Variants in CNTNAP2 observed in about 807,000 individuals in gnomAD.
The protein encoded by CNTNAP2 is contactin-associated protein-like 2.
A neutral mutation model predicts 155.2 loss-of-function variants in CNTNAP2; 98 were observed. The observed-to-expected ratio is 0.63, with a 90% CI of 0.54 to 0.75. CNTNAP2 has a LOEUF of 0.75. Among genes scored for constraint, CNTNAP2 ranks in the 30% least tolerant of loss-of-function variants. The pLI is 0.00. For missense variants in CNTNAP2, 1,727 were observed against 1,688.1 expected, an observed-to-expected ratio of 1.02 and a Z score of -0.40; for synonymous variants, 651 against 631.2, an observed-to-expected ratio of 1.03 and a Z score of -0.47.
At chr7:148,344,943 C>T (rs534309542) in intron 21 of CNTNAP2, among the ~76,000 whole-genome samples, 1 of 152,266 alleles carries the variant, frequency 6.6e-6, no homozygotes, top group Admixed American at 6.5e-5. Flanking sequence ...GTCCATGCCG[C>T]GATTTAGCCA....
At chr7:147,492,070 A>C (rs548386007) in intron 11 of CNTNAP2, among the ~76,000 whole-genome samples, 1 of 152,184 alleles carries the variant, frequency 6.6e-6, no homozygotes, top group African/African-American at 2.4e-5. Flanking sequence ...GCACTCTCCA[A>C]CGTTTTTGGC....
intron 11 of CNTNAP2, among the ~76,000 whole-genome samples, chr7:147,516,978 C>A (rs1158377651): frequency 6.6e-6 from 1 of 151,470 alleles, no homozygotes; most frequent in Admixed American, 6.6e-5. Flanking sequence ...TCCCCTGCCT[C>A]AGCCTCCTGA....
At chr7:148,225,546 C>T (rs553531518) in intron 19 of CNTNAP2, among the ~76,000 whole-genome samples, 8 of 152,180 alleles carry the variant, frequency 5.3e-5, no homozygotes, top group Non-Finnish European at 8.8e-5. Context: ...TGAGCCATTG[C>T]AAGAAGTTTG....
At position 147,762,468 on chromosome 7, in the gene CNTNAP2, G is replaced by T. The variant is rs184302940; in HGVS notation, c.2098+123162G>T. 4.6e-5 allele frequency among the ~76,000 whole-genome samples: 7 copies of T among 152,048 alleles called. No individual in the cohort carries two copies. In the South Asian group the frequency reaches 1.0e-3, roughly 23 times the overall value. On this transcript the variant is annotated intron_variant, in intron 13 of 23. Transcript: ENST00000361727. ...AAGCCTACTGAATCTGAGCTGCTGC[G>T]GAGGCAATTAGATGCACTCATATCT...
At chr7:148,119,766 G>C (rs1201117337) in intron 16 of CNTNAP2, among the ~76,000 whole-genome samples, 2 of 152,018 alleles carry the variant, frequency 1.3e-5, no homozygotes, top group Non-Finnish European at 2.9e-5. Context: ...GGATTGTGAT[G>C]AGAATAGAAT....
rs10544219 is a variant in CNTNAP2, at chr7:147,486,889, C to CTGTGTGTG, written c.1777+868_1777+875dup. Among the ~76,000 whole-genome samples the CTGTGTGTG allele has an allele frequency of 2.4e-3, 346 of 146,904 alleles. 2 individuals carry two copies. Among genetic ancestry groups the CTGTGTGTG allele is most frequent in the African/African-American group, 5.2e-3 (206 of 39,544 alleles). On this transcript the variant is annotated intron_variant, in intron 11 of 23. Transcript: ENST00000361727. ...GGTTAGTGTGTGCATACGTATGTGC[C>CTGTGTGTG]TGTGTGTGTGTGTGTGTGTGTGTGT...
rs1049535900 is a variant in CNTNAP2, at chr7:146,750,038, T to C, written c.98-24233T>C. Among the ~76,000 whole-genome samples, 4 of 152,268 alleles carry C rather than the reference T, an allele frequency of 2.6e-5. No homozygotes were observed. In the East Asian group the frequency reaches 7.7e-4, roughly 29 times the overall value. On this transcript the variant is annotated intron_variant, in intron 1 of 23. Transcript: ENST00000361727. ...CTCCCAGATCTGTGAGGTCCTGGAA[T>C]GTACAAGTGGTTATCCTCATAAATT...
At chr7:147,739,299 T>A (rs1796916068) in intron 13 of CNTNAP2, among the ~76,000 whole-genome samples, 1 of 152,232 alleles carries the variant, frequency 6.6e-6, no homozygotes, top group South Asian at 2.1e-4. Flanking sequence ...TGTTTGTGTG[T>A]GTTCACTGTT....
chr7:146,578,287 A>G (rs769072276), intron 1 of CNTNAP2, among the ~76,000 whole-genome samples: 30 of 152,110 alleles, frequency 2.0e-4, no homozygotes, highest in South Asian at 1.0e-3. Flanking sequence ...TACTTCTCCA[A>G]GTGTTAATTA....
At chr7:146,678,029 T>C (rs561151588) in intron 1 of CNTNAP2, among the ~76,000 whole-genome samples, 37 of 152,130 alleles carry the variant, frequency 2.4e-4, no homozygotes, top group Non-Finnish European at 4.7e-4. Flanking sequence ...GAAATGCTTA[T>C]AAATATAATT....
intron 9 of CNTNAP2, among the ~76,000 whole-genome samples, chr7:147,367,483 A>T (rs866520067): frequency 0.019 from 2,963 of 152,314 alleles, 94 homozygotes; most frequent in African/African-American, 0.068. Context: ...GAGAACTTTT[A>T]AAATTGCTAT....
chr7:147,601,383 C>A (rs956077080), intron 12 of CNTNAP2, among the ~76,000 whole-genome samples: 1 of 146,152 alleles, frequency 6.8e-6, no homozygotes, highest in African/African-American at 2.6e-5. Context: ...TGTTCTCTGG[C>A]GGGCAGGGGT....
At chr7:146,553,299 T>C (rs909330456) in intron 1 of CNTNAP2, among the ~76,000 whole-genome samples, 2 of 152,076 alleles carry the variant, frequency 1.3e-5, no homozygotes, top group African/African-American at 4.8e-5. Flanking sequence ...GAAAACTCCA[T>C]TCTTTTATTT....
intron 3 of CNTNAP2, among the ~76,000 whole-genome samples, chr7:146,887,215 T>C (rs951807212): frequency 6.6e-6 from 1 of 152,086 alleles, no homozygotes; most frequent in South Asian, 2.1e-4. Flanking sequence ...AATGGCGCGA[T>C]CTTGGCTCAC....
chr7:146,796,663 G>T (rs1052006580), intron 2 of CNTNAP2, among the ~76,000 whole-genome samples: 1 of 151,954 alleles, frequency 6.6e-6, no homozygotes, highest in Non-Finnish European at 1.5e-5. Context: ...AACATAGCTT[G>T]GCCACTTAAA....
intron 13 of CNTNAP2, among the ~76,000 whole-genome samples, chr7:147,691,978 A>G (rs1212313355): frequency 6.6e-6 from 1 of 152,142 alleles, no homozygotes; most frequent in Non-Finnish European, 1.5e-5. Context: ...ATCACACAGA[A>G]TGTTCCACTG....
chr7:147,181,843 C>T (rs1802461639), intron 8 of CNTNAP2, among the ~76,000 whole-genome samples: 1 of 152,022 alleles, frequency 6.6e-6, no homozygotes, highest in Admixed American at 6.5e-5. Flanking sequence ...AGAGTAACTT[C>T]AGGCTGGCCG....
intron 3 of CNTNAP2, among the ~76,000 whole-genome samples, chr7:147,042,208 C>A (rs906661662): frequency 2.6e-5 from 4 of 152,176 alleles, no homozygotes; most frequent in Non-Finnish European, 4.4e-5. Flanking sequence ...TGGTAGTACG[C>A]AGCTCATTTG....
At chr7:147,776,378 A>G (rs1797587010) in intron 13 of CNTNAP2, among the ~76,000 whole-genome samples, 2 of 152,112 alleles carry the variant, frequency 1.3e-5, no homozygotes, top group Non-Finnish European at 2.9e-5. Context: ...GAAGAGGAAA[A>G]AGGAAAAGAA....
Sources: allele counts gnomAD v4.1 joint callset (sites outside exome capture counted in the v4.1 genomes callset), GRCh38; gene constraint gnomAD v4.1.1; transcripts MANE v1.5; gene names NCBI Gene and HGNC (gene_info 2026-07-23, HGNC 2026-07-21).